Variants in CROCC observed in about 807,000 individuals in gnomAD.
CROCC encodes rootletin.
CROCC carries 180 observed loss-of-function variants against 245.2 expected under a neutral mutation model. The observed-to-expected ratio is 0.73, with a 90% CI of 0.65 to 0.83. CROCC has a LOEUF of 0.83. CROCC is among the 40% of genes least tolerant of loss of function. The probability of loss-of-function intolerance (pLI) is 0.00; values close to 1 mark genes in which losing one functional copy is unlikely to be tolerated. For missense variants in CROCC, 2,688 were observed against 2,779.4 expected (o/e 0.97, Z 0.74); for synonymous variants, 1,205 against 1,241.6 (o/e 0.97, Z 0.62).
intron 8 of CROCC, among the ~76,000 whole-genome samples, chr1:16,934,796 T>A (rs1299099991): frequency 6.6e-6 from 1 of 152,084 alleles, no homozygotes; most frequent in African/African-American, 2.4e-5. Flanking sequence ...CTTTTTCTTT[T>A]TATATATACA....
At chr1:16,916,771 C>CTTT (rs1470003231) in intron 1 of CROCC, among the ~76,000 whole-genome samples, 1 of 152,292 alleles carries the variant, frequency 6.6e-6, no homozygotes, top group Non-Finnish European at 1.5e-5. Context: ...CCTTGGCCTC[C>CTTT]CAAAGTGTTG....
Position 16,954,873 on chromosome 1 carries a change from G to T in CROCC, c.3461G>T (p.Arg1154Leu), listed in dbSNP as rs140603287. ...DLGKQRDSCL[R>L]EAEELRTQLR... ...GGCAAGCAGCGGGACTCCTGTCTTC[G>T]CGAGGTGAGCAGCCGCCCCCCTCTT... Residue 1154 changes from arginine to leucine, a missense_variant, in exon 23 of 37, where the codon CGC becomes CTC. Arg to Leu is a moderately radical substitution (Grantham distance 102, BLOSUM62 -2). Around this residue, in one of 9 missense-constraint regions of CROCC, gnomAD observed 1,218 missense variants for 1,286.3 expected, o/e 0.95. Coordinates refer to ENST00000375541, the MANE Select transcript of CROCC (RefSeq NM_014675.5). This position sits in a 1 kb window ranked among gnomAD's most constrained non-coding sequence, Gnocchi z 4.4. 5 of 1,527,286 alleles carry T rather than the reference G, an allele frequency of 3.3e-6. No individual in the cohort carries two copies. The highest frequency in any genetic ancestry group is 2.4e-5 in the South Asian group (2 of 83,128). The allele number at this position is 1,527,286 out of a possible 1,614,324, so 94.6% of individuals were successfully genotyped here.
intron 25 of CROCC, 120 bp downstream of exon 25, chr1:16,956,276 G>A: frequency 9.2e-7 from 1 of 1,081,874 alleles, no homozygotes; most frequent in East Asian, 2.6e-5. Flanking sequence ...ACTATGACAA[G>A]CCCTCTCACC....
At chr1:16,964,138 T>TTA (rs200534509) in intron 27 of CROCC, among the ~76,000 whole-genome samples, 128 of 111,120 alleles carry the variant, frequency 1.2e-3, no homozygotes, top group Admixed American at 6.9e-3. Context: ...TTTTTCTTTA[T>TTA]TTTTTTTTTT....
intron 3 of CROCC, among the ~76,000 whole-genome samples, chr1:16,926,912 G>A (rs111815510): frequency 1.0e-3 from 152 of 152,356 alleles, no homozygotes; most frequent in African/African-American, 3.5e-3. Flanking sequence ...AAATTGAAAG[G>A]CTGTTTTGCT....
chr1:16,924,366 CAGG>C lies in CROCC; in HGVS notation c.244_246del (p.Glu82del), dbSNP rs768978375. 3.7e-6 allele frequency: 6 copies of C among 1,613,154 alleles called. No homozygotes were observed. Among genetic ancestry groups the C allele is most frequent in the African/African-American group, 2.7e-5 (2 of 74,960 alleles). ...AGAGATGGCATCGCTGCTGTCGCTG[CAGG>C]AGGAGAACCAGCTGCTGCAGCAGGA... On this transcript the variant is annotated inframe_deletion, in exon 3 of 37. Coordinates refer to ENST00000375541, the MANE Select transcript of CROCC (RefSeq NM_014675.5).
chr1:16,915,073 C>T (rs1360055763), intron 1 of CROCC, among the ~76,000 whole-genome samples: 2 of 151,374 alleles, frequency 1.3e-5, no homozygotes, highest in Non-Finnish European at 3.0e-5. Flanking sequence ...CTGACTTAAC[C>T]CTCCCCTCCC....
chr1:16,958,757 G>T lies in CROCC; in HGVS notation c.4032+7G>T. 1 of 1,553,474 alleles carries T rather than the reference G, an allele frequency of 6.4e-7. No homozygotes were observed. Among genetic ancestry groups the T allele is most frequent in the South Asian group, 1.2e-5 (1 of 84,382 alleles). Reference sequence around the variant, plus strand: ...GGAGGTGATGCGGCAGGAGGTAACTGAGCAGGCGGGCAGGCTGGTGCATCT... The same window carrying T: ...GGAGGTGATGCGGCAGGAGGTAACTTAGCAGGCGGGCAGGCTGGTGCATCT... On this transcript the variant is annotated splice_region_variant and intron_variant, in intron 26 of 36. Transcript: ENST00000375541.
chr1:16,969,665 C>T, intron 32 of CROCC, 120 bp from the exon 33 acceptor site: 2 of 1,405,310 alleles, frequency 1.4e-6, no homozygotes, highest in Non-Finnish European at 9.6e-7. Flanking sequence ...GTGTGCACCC[C>T]ACCCTCCAGG....
rs1346879088 is a variant in CROCC at position 16,971,459 on chromosome 1, C to T, written c.5785-6C>T. 1 of 1,532,304 alleles carries T rather than the reference C, an allele frequency of 6.5e-7. No homozygotes were observed. The highest frequency in any genetic ancestry group is 8.7e-7 in the Non-Finnish European group (1 of 1,143,656). The allele number at this position is 1,532,304 out of a possible 1,614,324, so 94.9% of individuals were successfully genotyped here. The stretch of plus-strand genomic sequence containing the variant: ...CCAGAACGCGGACCACAGCCCCTCC[C>T]TGCAGGCGCAGGTGGTGGTGCTGGA... On this transcript the variant is annotated splice_region_variant and splice_polypyrimidine_tract_variant and intron_variant, in intron 35 of 36. Coordinates refer to ENST00000375541, the MANE Select transcript of CROCC (RefSeq NM_014675.5).
chr1:16,922,126 G>GGGCGGGGCAGC (rs2075421369), intron 1 of CROCC, 48 bp downstream of exon 1: 5 of 1,473,590 alleles, frequency 3.4e-6, no homozygotes, highest in Middle Eastern at 1.7e-4. Context: ...GGGCAGCGTG[G>GGGCGGGGCAGC]ACTTAACAGG....
chr1:16,957,530 C>T (rs1230326470), intron 25 of CROCC, among the ~76,000 whole-genome samples: 1 of 152,128 alleles, frequency 6.6e-6, no homozygotes, highest in African/African-American at 2.4e-5. Flanking sequence ...GCAACCTCCG[C>T]CTCCCGGGTT....
chr1:16,924,194 A>C, intron 2 of CROCC, 131 bp from the exon 3 acceptor site: 1 of 1,143,890 alleles, frequency 8.7e-7, no homozygotes, highest in Non-Finnish European at 1.2e-6. Context: ...CTCTGTTTGC[A>C]GGCCTGGTGC....
Position 16,954,893 on chromosome 1 carries a change from C to G in CROCC, c.3465+16C>G, listed in dbSNP as rs372332652. 7 of 1,514,556 alleles carry G rather than the reference C, an allele frequency of 4.6e-6. No individual in the cohort carries two copies. The Admixed American group carries it at 8.2e-5, about 18-fold the overall frequency. The allele number at this position is 1,514,556 out of a possible 1,614,324, so 93.8% of individuals were successfully genotyped here. A position where few individuals can be genotyped will look rare whatever the true frequency, so the allele number is the denominator to read the frequency against. On this transcript the variant is annotated intron_variant, in intron 23 of 36. Coordinates refer to ENST00000375541, the MANE Select transcript of CROCC (RefSeq NM_014675.5). The surrounding 1 kb of genome is among the most constrained non-coding windows in gnomAD (Gnocchi z 4.4). The stretch of plus-strand genomic sequence containing the variant: ...TCTTCGCGAGGTGAGCAGCCGCCCC[C>G]CTCTTCCAAGCAGCATACCCTAAAT...
rs1206768364 is a variant in CROCC, at chr1:16,970,362, T to C, written c.5561T>C (p.Leu1854Pro). The change falls in exon 34 of 37, where the codon CTG (leucine) becomes CCG (proline). Residue 1854 changes from leucine to proline, a missense_variant. By Grantham distance (98) the Leu-to-Pro change is moderately conservative. Around this residue, in one of 9 missense-constraint regions of CROCC, gnomAD observed 1,218 missense variants for 1,286.3 expected, o/e 0.95. Transcript: ENST00000375541. ...QERLGSLQRA[L>P]AQLEAEKREV... ...CGCCTGGGAAGCCTGCAGCGCGCCCTGGCTCAGCTGGAAGCTGAGAAGCGG... is the reference window on the plus strand; with the variant it reads ...CGCCTGGGAAGCCTGCAGCGCGCCCCGGCTCAGCTGGAAGCTGAGAAGCGG... 6.3e-7 allele frequency: 1 copy of C among 1,598,408 alleles called. No individual in the cohort carries two copies. Among genetic ancestry groups the C allele is most frequent in the Non-Finnish European group, 8.5e-7 (1 of 1,173,452 alleles).
chr1:16,954,990 A>G lies in CROCC; in HGVS notation c.3465+113A>G. The G allele has an allele frequency of 1.5e-6, 2 of 1,290,922 alleles. No individual in the cohort carries two copies. The highest frequency in any genetic ancestry group is 3.1e-5 in the South Asian group (2 of 63,546). The allele number at this position is 1,290,922 out of a possible 1,614,324, so 80.0% of individuals were successfully genotyped here. A position where few individuals can be genotyped will look rare whatever the true frequency, so the allele number is the denominator to read the frequency against. ...GTAAGATTCCTCCCTGCATTTGAGG[A>G]CCAATGAATAGCAACTTAGAAAGGA... On this transcript the variant is annotated intron_variant, in intron 23 of 36. Coordinates refer to ENST00000375541, the MANE Select transcript of CROCC (RefSeq NM_014675.5). This position sits in a 1 kb window ranked among gnomAD's most constrained non-coding sequence, Gnocchi z 4.4.
chr1:16,961,279 C>A, intron 27 of CROCC, 149 bp downstream of exon 27: 2 of 786,110 alleles, frequency 2.5e-6, no homozygotes, highest in Non-Finnish European at 3.4e-6. Context: ...TTCTTAGCCC[C>A]GTCCCCTCAC....
chr1:16,944,919 T>C lies in CROCC; in HGVS notation c.1992-543T>C, dbSNP rs371465916. ...TGGGGAGATGTGTCAGGCACTATTT[T>C]AAGCACATGTGAAGTTTGTATCCTT... On this transcript the variant is annotated intron_variant, in intron 14 of 36. Transcript: ENST00000375541. Among the ~76,000 whole-genome samples, 32 of 152,384 alleles carry C rather than the reference T, an allele frequency of 2.1e-4. No individual in the cohort carries two copies. In the East Asian group the frequency reaches 5.2e-3, roughly 25 times the overall value.
In CROCC at chr1:16,950,983, T is replaced by C. The variant is rs915272285; in HGVS notation, c.2867T>C (p.Ile956Thr). The C allele has an allele frequency of 4.4e-6, 7 of 1,584,164 alleles. No homozygotes were observed. The highest frequency in any genetic ancestry group is 6.0e-6 in the Non-Finnish European group (7 of 1,167,166). Residue 956 changes from isoleucine to threonine, a missense_variant, in exon 20 of 37, where the codon ATA becomes ACA. This residue lies in a region of CROCC where 20 missense variants were observed against 55.4 expected (regional missense o/e 0.36). Coordinates refer to ENST00000375541, the MANE Select transcript of CROCC (RefSeq NM_014675.5). ...GELAGLRQQI[I>T]ATQEKASLDK... ...TTGGCGGGCCTGCGGCAGCAAATAA[T>C]AGCTACACAGGAGAAAGCCAGTCTA...
Sources: allele counts gnomAD v4.1 joint callset (sites outside exome capture counted in the v4.1 genomes callset), GRCh38; gene constraint gnomAD v4.1.1; regional missense constraint gnomAD v4.1.1; non-coding constraint Gnocchi (gnomAD v3.1); transcripts MANE v1.5; gene names NCBI Gene and HGNC (gene_info 2026-07-23, HGNC 2026-07-21).